The following VPS13B variants were observed in gnomAD, a reference collection of about 807,000 sequenced individuals.
VPS13B encodes the protein vacuolar protein sorting 13 homolog B, also known as intermembrane lipid transfer protein VPS13B.
A neutral mutation model predicts 426.4 loss-of-function variants in VPS13B; 285 were observed. The ratio of observed to expected loss-of-function variants is 0.67; its 90% CI spans 0.61 to 0.74. The LOEUF (loss-of-function observed/expected upper bound fraction) is 0.74. Ranked by LOEUF, VPS13B falls within the 30% of genes least tolerant of loss-of-function variation. The probability of loss-of-function intolerance (pLI) is 0.00; values close to 1 mark genes in which losing one functional copy is unlikely to be tolerated. For synonymous variants in VPS13B, 1,676 were observed against 1,676.4 expected, an observed-to-expected ratio of 1.00 and a Z score of 0.01; for missense variants, 4,537 against 4,782.6, an observed-to-expected ratio of 0.95 and a Z score of 1.51.
intron 17 of VPS13B, among the ~76,000 whole-genome samples, chr8:99,267,632 C>A (rs1339725905): frequency 6.6e-6 from 1 of 151,540 alleles, no homozygotes; most frequent in Non-Finnish European, 1.5e-5. Flanking sequence ...GAGGCTGAGG[C>A]AGGAGAATCG....
chr8:99,387,714 A>G (rs1814206591), intron 20 of VPS13B, among the ~76,000 whole-genome samples: 5 of 152,152 alleles, frequency 3.3e-5, no homozygotes. Context: ...TTCAATATTT[A>G]TTAAGTCATG....
intron 21 of VPS13B, among the ~76,000 whole-genome samples, chr8:99,428,441 GA>G (rs1563724958): frequency 6.6e-6 from 1 of 151,700 alleles, no homozygotes; most frequent in Admixed American, 6.6e-5. Context: ...AAATTTACAA[GA>G]AAAAAACAAC....
chr8:99,271,194 T>TAACAAC (rs1434518576), intron 17 of VPS13B, among the ~76,000 whole-genome samples: 1 of 129,006 alleles, frequency 7.8e-6, no homozygotes, highest in Admixed American at 8.0e-5. Flanking sequence ...CTGCTACCAC[T>TAACAAC]AACTACTACT....
At chr8:99,587,257 A>G (rs569578583) in intron 33 of VPS13B, among the ~76,000 whole-genome samples, 6 of 152,250 alleles carry the variant, frequency 3.9e-5, no homozygotes, top group Non-Finnish European at 7.4e-5. Context: ...AGTCTTTGCT[A>G]TTGTGAATAG....
intron 22 of VPS13B, among the ~76,000 whole-genome samples, chr8:99,440,560 A>G (rs1817632739): frequency 6.6e-6 from 1 of 152,124 alleles, no homozygotes; most frequent in Admixed American, 6.6e-5. Context: ...ATTTTGAGTA[A>G]TTTTAATTAT....
intron 16 of VPS13B, among the ~76,000 whole-genome samples, chr8:99,179,214 T>G (rs1434544676): frequency 6.6e-6 from 1 of 152,208 alleles, no homozygotes; most frequent in Non-Finnish European, 1.5e-5. Flanking sequence ...TTCTTGATAC[T>G]TTAAGAATTT....
chr8:99,474,994 G>A (rs1205390939), intron 24 of VPS13B, among the ~76,000 whole-genome samples: 2 of 152,090 alleles, frequency 1.3e-5, no homozygotes, highest in Non-Finnish European at 2.9e-5. Context: ...TCATACCAAG[G>A]TAATACTAAT....
intron 19 of VPS13B, among the ~76,000 whole-genome samples, chr8:99,361,403 T>A (rs1190838394): frequency 6.6e-6 from 1 of 152,226 alleles, no homozygotes; most frequent in Non-Finnish European, 1.5e-5. Context: ...TACTCAACTC[T>A]GCTGCTTTAG....
intron 3 of VPS13B, among the ~76,000 whole-genome samples, chr8:99,082,075 C>A (rs564084950): frequency 3.3e-5 from 5 of 152,302 alleles, no homozygotes; most frequent in African/African-American, 1.2e-4. Context: ...TATAGTCCCA[C>A]CAACAGTGTA....
chr8:99,674,761 CA>C (rs1351487142), intron 35 of VPS13B, among the ~76,000 whole-genome samples: 2 of 151,822 alleles, frequency 1.3e-5, no homozygotes, highest in African/African-American at 4.8e-5. Flanking sequence ...TGAGGCATAT[CA>C]AAAAATCTTA....
At chr8:99,078,816 C>T (rs1055375998) in intron 3 of VPS13B, among the ~76,000 whole-genome samples, 1 of 151,780 alleles carries the variant, frequency 6.6e-6, no homozygotes, top group African/African-American at 2.4e-5. Flanking sequence ...GGTCCCCAGT[C>T]CCCTAGGTGG....
intron 31 of VPS13B, among the ~76,000 whole-genome samples, chr8:99,574,227 A>T (rs1218131852): frequency 2.0e-5 from 3 of 152,170 alleles, no homozygotes; most frequent in Non-Finnish European, 2.9e-5. Flanking sequence ...TTCTAAATAT[A>T]CAATCATGTC....
rs531971174 is a variant in VPS13B, at chr8:99,317,360, C to T, written c.2824+42106C>T. Reference sequence around the variant, plus strand: ...CATATCCATCACCTCAAACACTTGTCATTTCTTTGTGATGACAACATTGAA... The same window carrying T: ...CATATCCATCACCTCAAACACTTGTTATTTCTTTGTGATGACAACATTGAA... On this transcript the variant is annotated intron_variant, in intron 19 of 61. Transcript: ENST00000357162. Among the ~76,000 whole-genome samples, 10 of 152,220 alleles carry T rather than the reference C, an allele frequency of 6.6e-5. No homozygotes were observed. In the South Asian group the frequency reaches 2.1e-3, roughly 32 times the overall value.
chr8:99,143,564 C>A (rs1266632584), intron 13 of VPS13B, among the ~76,000 whole-genome samples: 1 of 151,918 alleles, frequency 6.6e-6, no homozygotes, highest in African/African-American at 2.4e-5. Context: ...AGTTGCTGTA[C>A]AACTAATTTT....
chr8:99,779,444 TCAAA>T (rs991316828), intron 42 of VPS13B, among the ~76,000 whole-genome samples: 6 of 152,262 alleles, frequency 3.9e-5, no homozygotes, highest in South Asian at 4.1e-4. Flanking sequence ...TTCGATCTTT[TCAAA>T]CAAACAAACA....
intron 20 of VPS13B, among the ~76,000 whole-genome samples, chr8:99,390,637 C>A (rs1258559888): frequency 6.6e-6 from 1 of 152,154 alleles, no homozygotes; most frequent in Non-Finnish European, 1.5e-5. Context: ...GACTACACTG[C>A]AGCCTGACCA....
At chr8:99,254,362 T>G (rs1379939853) in intron 17 of VPS13B, among the ~76,000 whole-genome samples, 1 of 152,060 alleles carries the variant, frequency 6.6e-6, no homozygotes, top group Non-Finnish European at 1.5e-5. Context: ...AATGTCATGC[T>G]ATTTCCTCCT....
chr8:99,048,826 A>AAG (rs1554583306), intron 3 of VPS13B, among the ~76,000 whole-genome samples: 1 of 151,194 alleles, frequency 6.6e-6, no homozygotes, highest in Admixed American at 6.6e-5. Flanking sequence ...AAAAAAAAAA[A>AAG]GAAAATTTGG....
intron 19 of VPS13B, among the ~76,000 whole-genome samples, chr8:99,381,184 C>G (rs1388263438): frequency 6.6e-6 from 1 of 152,164 alleles, no homozygotes; most frequent in Non-Finnish European, 1.5e-5. Context: ...CATTAGTTTG[C>G]TAAGGATAAT....
Sources: gnomAD v4.1 joint callset for allele counts (sites outside exome capture counted in the v4.1 genomes callset) on GRCh38, gnomAD v4.1.1 for gene constraint, MANE v1.5 for transcripts, NCBI Gene and HGNC (gene_info 2026-07-23, HGNC 2026-07-21) for gene names.